Variants in AVEN observed in about 807,000 individuals in gnomAD.
AVEN encodes the protein cell death regulator Aven.
AVEN carries 41 observed loss-of-function variants against 38.1 expected under a neutral mutation model. That is an observed-to-expected ratio of 1.08 (90% CI 0.84 to 1.40). The LOEUF (loss-of-function observed/expected upper bound fraction) is 1.40, where lower values mean the gene tolerates loss of function less well. AVEN is among the 40% of genes most tolerant of loss of function. AVEN has a pLI of 0.00. For missense variants in AVEN, 605 were observed against 438.8 expected, an observed-to-expected ratio of 1.38 and a Z score of -3.38; for synonymous variants, 206 against 171.8, an observed-to-expected ratio of 1.20 and a Z score of -1.56.
rs1406831815 is a variant in AVEN, at chr15:33,895,853, C to T, written c.446-19858G>A. On this transcript the variant is annotated intron_variant, in intron 2 of 5. Coordinates refer to ENST00000306730, the MANE Select transcript of AVEN (RefSeq NM_020371.3). ...ACTAATTTTAGATAAGGTATAATAACTTTTATATCCAGCCATGATGGAGGC... is the reference window on the plus strand; with the variant it reads ...ACTAATTTTAGATAAGGTATAATAATTTTTATATCCAGCCATGATGGAGGC... Among the ~76,000 whole-genome samples the T allele has an allele frequency of 2.6e-5, 4 of 152,306 alleles. No individual in the cohort carries two copies. In the East Asian group the frequency reaches 7.7e-4, roughly 29 times the overall value.
At chr15:33,887,573 C>T (rs1597193873) in intron 2 of AVEN, among the ~76,000 whole-genome samples, 2 of 152,070 alleles carry the variant, frequency 1.3e-5, no homozygotes, top group African/African-American at 4.8e-5. Context: ...ATGTGCCAAA[C>T]ACTATTGTAT....
At chr15:33,852,967 C>A in the AVEN span, 1 of 1,282,096 alleles carries the variant, frequency 7.8e-7, no homozygotes. Flanking sequence ...GATCCAGGCA[C>A]TCAAACTGAA....
chr15:33,926,384 C>T (rs1893608183), intron 2 of AVEN, among the ~76,000 whole-genome samples: 1 of 152,164 alleles, frequency 6.6e-6, no homozygotes, highest in South Asian at 2.1e-4. Flanking sequence ...GGGATCACGG[C>T]AGCTCTATTA....
chr15:33,912,859 T>A (rs531479370), intron 2 of AVEN, among the ~76,000 whole-genome samples: 1 of 151,900 alleles, frequency 6.6e-6, no homozygotes, highest in Admixed American at 6.6e-5. Context: ...CTGGCTATGT[T>A]GTTTAAAGAT....
intron 2 of AVEN, among the ~76,000 whole-genome samples, chr15:33,996,661 A>C (rs1054000120): frequency 6.6e-6 from 1 of 152,236 alleles, no homozygotes; most frequent in Non-Finnish European, 1.5e-5. Context: ...TAGCATCAAC[A>C]TCAACAAAAA....
intron 11 of AVEN, chr15:33,859,506 T>G (rs1312339774): frequency 6.4e-7 from 1 of 1,558,142 alleles, no homozygotes; most frequent in African/African-American, 1.4e-5. Flanking sequence ...ATCATATGAA[T>G]GATCTGAGCA....
chr15:34,022,294 CA>C (rs1369817614), intron 1 of AVEN, among the ~76,000 whole-genome samples: 9 of 152,184 alleles, frequency 5.9e-5, no homozygotes, highest in African/African-American at 2.2e-4. Flanking sequence ...GAACAATTAA[CA>C]AGACAATTTT....
At chr15:34,001,927 ATTTT>A (rs1897152317) in intron 2 of AVEN, among the ~76,000 whole-genome samples, 1 of 152,150 alleles carries the variant, frequency 6.6e-6, no homozygotes, top group South Asian at 2.1e-4. Context: ...CCAAAGTATT[ATTTT>A]TGTTTTACTT....
chr15:34,063,527 C>A lies in AVEN; in HGVS notation n.1127-95G>T. The A allele has an allele frequency of 1.9e-6, 3 of 1,613,718 alleles. No individual in the cohort carries two copies. On this transcript the variant is annotated intron_variant and non_coding_transcript_variant, in intron 4 of 11. Coordinates refer to the AVEN transcript ENST00000675287. This position sits in a 1 kb window ranked among gnomAD's most constrained non-coding sequence, Gnocchi z 4.1. Reference sequence around the variant, plus strand: ...CCCAGCGGGAAAGGAACCAGGCCTCCTGGTCATCCTCCCGCAGGAGCACCT... The same window carrying A: ...CCCAGCGGGAAAGGAACCAGGCCTCATGGTCATCCTCCCGCAGGAGCACCT...
chr15:33,870,505 CTG>C (rs1386399691), intron 4 of AVEN, among the ~76,000 whole-genome samples: 1 of 152,220 alleles, frequency 6.6e-6, no homozygotes, highest in Non-Finnish European at 1.5e-5. Context: ...TAAAAGCACA[CTG>C]TACTTCACAG....
chr15:33,862,647 G>A (rs1210891413), downstream of AVEN, among the ~76,000 whole-genome samples: 5 of 152,136 alleles, frequency 3.3e-5, no homozygotes, highest in Non-Finnish European at 7.3e-5. Context: ...GACAGTCTCT[G>A]TCACCCAGGC....
At chr15:34,050,731 A>G (rs1899900203) in intron 5 of AVEN, among the ~76,000 whole-genome samples, 1 of 152,232 alleles carries the variant, frequency 6.6e-6, no homozygotes, top group Non-Finnish European at 1.5e-5. Context: ...ACTTTAAACC[A>G]ATAAGATCAA....
chr15:34,019,936 C>T (rs952549721), intron 1 of AVEN, among the ~76,000 whole-genome samples: 36 of 152,298 alleles, frequency 2.4e-4, no homozygotes, highest in African/African-American at 7.7e-4. Context: ...TTAAGCAGTT[C>T]TTTTGTATGC....
chr15:34,000,794 A>C (rs568751750), intron 2 of AVEN, among the ~76,000 whole-genome samples: 66 of 152,192 alleles, frequency 4.3e-4, no homozygotes, highest in Non-Finnish European at 8.8e-4. Context: ...CAGAGTGGGA[A>C]AGAAATGTAA....
rs1890675659 is a variant in AVEN at position 33,867,516 on chromosome 15, C to A, written c.952G>T (p.Glu318Ter). 1 of 1,588,614 alleles carries A rather than the reference C, an allele frequency of 6.3e-7. No individual in the cohort carries two copies. The highest frequency in any genetic ancestry group is 1.4e-5 in the African/African-American group (1 of 73,834). ...ATACCTTCTTCCTCTTGGACCACCT[C>A]CCCATCTTCCTTGGATTTCAGGTCC... The part of the protein sequence containing the change: ...SQDLKSKEDG[E>*]VVQEEEVCAK... Residue 318 changes from glutamate (E) to a stop codon, truncating the protein, a stop_gained, in exon 5 of 6, where the codon GAG becomes TAG. Transcript: ENST00000306730. LOFTEE classifies it low-confidence loss of function (END_TRUNC).
chr15:34,022,749 C>T (rs2140723122), intron 1 of AVEN, among the ~76,000 whole-genome samples: 1 of 152,316 alleles, frequency 6.6e-6, no homozygotes, highest in South Asian at 2.1e-4. Context: ...AAAAGGAAAG[C>T]ATTCCCCCAA....
chr15:33,917,563 TACACAC>T (rs34155332), intron 2 of AVEN, among the ~76,000 whole-genome samples: 3 of 149,424 alleles, frequency 2.0e-5, no homozygotes, highest in African/African-American at 4.9e-5. Context: ...TGTGTATGTA[TACACAC>T]ACACACACAC....
At chr15:34,071,429 A>G (rs1900622755) in intron 1 of AVEN, among the ~76,000 whole-genome samples, 1 of 152,042 alleles carries the variant, frequency 6.6e-6, no homozygotes, top group South Asian at 2.1e-4. Context: ...GCATGCCACC[A>G]TATCAAGCTA....
rs148191916 is a variant in AVEN, at chr15:34,063,216, C to T, written n.1343G>A. 6.3e-5 allele frequency: 102 copies of T among 1,614,090 alleles called. No homozygotes were observed. The highest frequency in any genetic ancestry group is 4.7e-5 in the Non-Finnish European group (56 of 1,180,044). On this transcript the variant is annotated non_coding_transcript_exon_variant, in exon 5 of 12. Transcript: ENST00000675287. This position sits in a 1 kb window ranked among gnomAD's most constrained non-coding sequence, Gnocchi z 4.1. ...CTTCATCCTCTGGGCCCCAGCAATCCTCTGCTGGCAGTACTTGGTTGGGAA... is the reference window on the plus strand; with the variant it reads ...CTTCATCCTCTGGGCCCCAGCAATCTTCTGCTGGCAGTACTTGGTTGGGAA...
Sources: allele counts gnomAD v4.1 joint callset (sites outside exome capture counted in the v4.1 genomes callset), GRCh38; gene constraint gnomAD v4.1.1; non-coding constraint Gnocchi (gnomAD v3.1); transcripts MANE v1.5; gene names NCBI Gene and HGNC (gene_info 2026-07-23, HGNC 2026-07-21).